Variants in LMNB1 observed in about 807,000 individuals in gnomAD.
The protein encoded by LMNB1 is lamin B1.
A neutral mutation model predicts 67.1 loss-of-function variants in LMNB1; 23 were observed. That is an observed-to-expected ratio of 0.34 (90% CI 0.25 to 0.49). The LOEUF (loss-of-function observed/expected upper bound fraction) is 0.49, where lower values mean the gene tolerates loss of function less well. LMNB1 is among the 20% of genes least tolerant of loss of function. The pLI, the probability that LMNB1 is intolerant of heterozygous loss-of-function variation, is 0.99. For synonymous variants in LMNB1, 281 were observed against 282.9 expected (o/e 0.99, Z 0.07); for missense variants, 634 against 746.5 (o/e 0.85, Z 1.76).
chr5:126,791,141 G>A (rs1750946360), intron 1 of LMNB1, among the ~76,000 whole-genome samples: 1 of 152,118 alleles, frequency 6.6e-6, no homozygotes. Context: ...AAAGCTTGTA[G>A]GATCTTCTTT....
chr5:126,786,112 CTTT>C (rs70997312), intron 1 of LMNB1, among the ~76,000 whole-genome samples: 21 of 106,628 alleles, frequency 2.0e-4, no homozygotes, highest in African/African-American at 2.1e-4. Context: ...CAGACATTAT[CTTT>C]TTTTTTTTTT....
In LMNB1 at chr5:126,809,686, C is replaced by CAGAAAAGAAAAGAAA. The variant is rs143766887; in HGVS notation, c.643-482_643-468dup. 1.4e-3 allele frequency among the ~76,000 whole-genome samples: 216 copies of CAGAAAAGAAAAGAAA among 151,748 alleles called. 1 individual carries two copies. Among genetic ancestry groups the CAGAAAAGAAAAGAAA allele is most frequent in the East Asian group, 6.6e-3 (34 of 5,172 alleles). On this transcript the variant is annotated intron_variant, in intron 3 of 10. Coordinates refer to ENST00000261366, the MANE Select transcript of LMNB1 (RefSeq NM_005573.4). ...TGGGCGACAGAGTGATACTCTATCT[C>CAGAAAAGAAAAGAAA]AGAAAAGAAAAGAAAAGAAAAGAAA...
intron 1 of LMNB1, among the ~76,000 whole-genome samples, chr5:126,789,983 T>C (rs1425266019): frequency 2.0e-5 from 3 of 151,958 alleles, no homozygotes; most frequent in Non-Finnish European, 2.9e-5. Flanking sequence ...TAATTTTACA[T>C]TTTTAATAGA....
intron 1 of LMNB1, among the ~76,000 whole-genome samples, chr5:126,793,741 T>TTACA (rs1462433866): frequency 1.3e-4 from 19 of 151,982 alleles, no homozygotes; most frequent in African/African-American, 4.6e-4. Context: ...CCGAATGTAG[T>TTACA]GTCGGGCGCC....
rs1420971000 is a variant in LMNB1, at chr5:126,821,140, TA to T, written c.1386+9del. 6.3e-7 allele frequency: 1 copy of T among 1,582,642 alleles called. No individual in the cohort carries two copies. Among genetic ancestry groups the T allele is most frequent in the Non-Finnish European group, 8.7e-7 (1 of 1,151,508 alleles). ...TTGAAGAACACTTCTGAACAGGTAA[TA>T]AAATAGACCCTTTTTTTTCTAGCAA... On this transcript the variant is annotated splice_donor_region_variant and intron_variant, in intron 7 of 10. Transcript: ENST00000261366.
chr5:126,812,769 C>T (rs986773719), intron 5 of LMNB1, among the ~76,000 whole-genome samples: 11 of 135,144 alleles, frequency 8.1e-5, no homozygotes, highest in Non-Finnish European at 1.5e-4. Flanking sequence ...CTCACTCTGT[C>T]GCCCAGGCTG....
rs185697812 is a variant in LMNB1 at position 126,799,571 on chromosome 5, C to T, written c.360-5205C>T. Among the ~76,000 whole-genome samples the T allele has an allele frequency of 4.9e-4, 75 of 152,262 alleles. 1 individual carries two copies. The highest frequency in any genetic ancestry group is 3.7e-4 in the Non-Finnish European group (25 of 68,028). On this transcript the variant is annotated intron_variant, in intron 1 of 10. Transcript: ENST00000261366. ...GTGGTGACATGGCCTAGTGCCTGAC[C>T]CTGAGCAGTAAAGGTACTGAGGGTC...
chr5:126,836,154 T>G (rs1752243331), intron 10 of LMNB1, 69 bp from the exon 11 acceptor site: 1 of 1,226,442 alleles, frequency 8.2e-7, no homozygotes, highest in South Asian at 1.3e-5. Context: ...GTTAAAAGTT[T>G]TTGTCTTATT....
intron 8 of LMNB1, among the ~76,000 whole-genome samples, chr5:126,824,873 A>T (rs1196889370): frequency 2.5e-5 from 1 of 40,118 alleles, no homozygotes; most frequent in African/African-American, 1.1e-4. Flanking sequence ...TTTTTGATAG[A>T]GACAGGATTT....
rs140176384 is a variant in LMNB1, at chr5:126,822,406, G to A, written c.1387-375G>A. Among the ~76,000 whole-genome samples the A allele has an allele frequency of 4.5e-3, 682 of 152,304 alleles. 11 individuals are homozygous for A. Among genetic ancestry groups the A allele is most frequent in the African/African-American group, 0.016 (655 of 41,570 alleles). On this transcript the variant is annotated intron_variant, in intron 7 of 10. Transcript: ENST00000261366. ...TTTTCTTCTGTTTCTAAGCTTATGT[G>A]TCTATTTTAAAAGCTTGAAGTAATC...
rs534259845 is a variant in LMNB1 at position 126,836,752 on chromosome 5, G to T, written c.*488G>T. ...AATTTTTTTGTAATAAGCAATCAAG[G>T]TTATAATTTTTTTTAAAATAGAAAT... On this transcript the variant is annotated 3_prime_UTR_variant, in exon 11 of 11. Transcript: ENST00000261366. 9 of 393,568 alleles carry T rather than the reference G, an allele frequency of 2.3e-5. No homozygotes were observed. The highest frequency in any genetic ancestry group is 8.3e-5 in the African/African-American group (4 of 48,334). 24.4% of individuals were successfully genotyped at this position (393,568 alleles called of 1,614,324 possible).
chr5:126,777,335 C>A lies in LMNB1; in HGVS notation c.-174C>A. On this transcript the variant is annotated 5_prime_UTR_variant, in exon 1 of 11. The change creates a new upstream start codon in the 5' untranslated region. Coordinates refer to ENST00000261366, the MANE Select transcript of LMNB1 (RefSeq NM_005573.4). ...CCCCCGCGCGCCTTTGCCCTTTGTG[C>A]TGTAATCGAGCTCCCGCCATCCCAG... The A allele has an allele frequency of 1.6e-6, 1 of 619,986 alleles. No individual in the cohort carries two copies. The highest frequency in any genetic ancestry group is 2.3e-6 in the Non-Finnish European group (1 of 432,058). 38.4% of individuals were successfully genotyped at this position (619,986 alleles called of 1,614,324 possible). A position where few individuals can be genotyped will look rare whatever the true frequency, so the allele number is the denominator to read the frequency against.
chr5:126,801,892 T>C (rs1751295072), intron 1 of LMNB1, among the ~76,000 whole-genome samples: 2 of 152,228 alleles, frequency 1.3e-5, no homozygotes. Flanking sequence ...TTGTAAGTAT[T>C]GTGTAATACT....
chr5:126,826,911 T>C (rs1260380767), intron 9 of LMNB1, among the ~76,000 whole-genome samples: 1 of 152,228 alleles, frequency 6.6e-6, no homozygotes, highest in East Asian at 1.9e-4. Flanking sequence ...TTTGTTCTTC[T>C]CATTTTCCTT....
At chr5:126,795,196 G>A (rs1335522465) in intron 1 of LMNB1, among the ~76,000 whole-genome samples, 3 of 147,210 alleles carry the variant, frequency 2.0e-5, no homozygotes, top group Admixed American at 1.4e-4. Flanking sequence ...GGAGTGCCGT[G>A]GCATGACCAC....
chr5:126,822,317 T>C (rs920806242), intron 7 of LMNB1, among the ~76,000 whole-genome samples: 1 of 152,210 alleles, frequency 6.6e-6, no homozygotes, highest in Admixed American at 6.5e-5. Flanking sequence ...GAGCCCCTTA[T>C]GCTTTCATGT....
intron 5 of LMNB1, among the ~76,000 whole-genome samples, chr5:126,815,765 A>T (rs1219832226): frequency 2.0e-5 from 3 of 152,222 alleles, no homozygotes; most frequent in Non-Finnish European, 2.9e-5. Context: ...CTAACTTCTC[A>T]TACTGTGTTC....
Position 126,831,718 on chromosome 5 carries a change from G to A in LMNB1, c.1612-976G>A, listed in dbSNP as rs553375480. Among the ~76,000 whole-genome samples the A allele has an allele frequency of 2.0e-5, 3 of 152,288 alleles. No homozygotes were observed. The South Asian group carries it at 6.2e-4, about 32-fold the overall frequency. Reference sequence around the variant, plus strand: ...ATTTAGCACCTTATCTTTGCCAGGAGCTAAGATCTTTAAGCTGAATTCATG... The same window carrying A: ...ATTTAGCACCTTATCTTTGCCAGGAACTAAGATCTTTAAGCTGAATTCATG... On this transcript the variant is annotated intron_variant, in intron 9 of 10. Coordinates refer to ENST00000261366, the MANE Select transcript of LMNB1 (RefSeq NM_005573.4).
At chr5:126,776,726 G>C (rs1750454096), upstream of LMNB1, 1 of 152,266 alleles carries the variant, frequency 6.6e-6, no homozygotes, top group Non-Finnish European at 1.5e-5. Flanking sequence ...GAACCGCCGA[G>C]TGTGGGCGGT....
Sources: gnomAD v4.1 joint callset for allele counts (sites outside exome capture counted in the v4.1 genomes callset) on GRCh38, gnomAD v4.1.1 for gene constraint, MANE v1.5 for transcripts, NCBI Gene and HGNC (gene_info 2026-07-23, HGNC 2026-07-21) for gene names.